Variants in DMBT1 observed in about 807,000 individuals in gnomAD.
DMBT1 encodes the protein scavenger receptor cysteine-rich domain-containing protein DMBT1.
A neutral mutation model predicts 252.9 loss-of-function variants in DMBT1; 198 were observed. The observed-to-expected ratio is 0.78, with a 90% confidence interval of 0.70 to 0.88. DMBT1 has a LOEUF of 0.88. Ranked by LOEUF, DMBT1 falls within the 40% of genes least tolerant of loss-of-function variation. DMBT1 has a pLI of 0.00. For missense variants in DMBT1, 2,432 were observed against 2,404.7 expected, an observed-to-expected ratio of 1.01 and a Z score of -0.24; for synonymous variants, 990 against 942.7, an observed-to-expected ratio of 1.05 and a Z score of -0.92.
chr10:122,618,499 T>C (rs934690114), intron 41 of DMBT1, among the ~76,000 whole-genome samples, 159 bp downstream of exon 41: 4 of 152,242 alleles, frequency 2.6e-5, no homozygotes, highest in Non-Finnish European at 5.9e-5. Flanking sequence ...TGAATTTTGC[T>C]ACAGTACCTG....
chr10:122,636,043 C>A lies in DMBT1; in HGVS notation c.6601C>A (p.Arg2201Ser), dbSNP rs374738106. 5.0e-6 allele frequency: 8 copies of A among 1,613,870 alleles called. No homozygotes were observed. Among genetic ancestry groups the A allele is most frequent in the Middle Eastern group, 1.6e-4 (1 of 6,082 alleles). ...TATTGAAGTTTTCGATGGCCCCTAC[C>A]GCAGTTCCCCTCTCATTGCTCGAGT... The part of the protein sequence containing the change: ...DYIEVFDGPY[R>S]SSPLIARVCD... Residue 2201 changes from arginine (R) to serine (S), a missense_variant, in exon 53 of 56, where the codon CGC becomes AGC. By Grantham distance (110) the Arg-to-Ser change is moderately radical. Transcript: ENST00000338354.
intron 17 of DMBT1, 101 bp downstream of exon 17, chr10:122,589,368 T>C (rs866746384): frequency 1.3e-6 from 2 of 1,508,874 alleles, no homozygotes; most frequent in Middle Eastern, 1.8e-4. Context: ...TTTCAACCTT[T>C]CCTATGTTTC....
intron 2 of DMBT1, among the ~76,000 whole-genome samples, chr10:122,568,559 G>A (rs896219455): frequency 1.3e-5 from 2 of 152,168 alleles, no homozygotes; most frequent in Admixed American, 1.3e-4. Flanking sequence ...GGGGCCGAGA[G>A]CACCAAGATA....
chr10:122,634,408 TC>T, intron 52 of DMBT1, among the ~76,000 whole-genome samples: 1 of 135,920 alleles, frequency 7.4e-6, no homozygotes, highest in African/African-American at 2.9e-5. Flanking sequence ...TTCTTTTCTT[TC>T]TTTCTCTCTC....
At chr10:122,591,911 C>T (rs2097852294) in intron 19 of DMBT1, among the ~76,000 whole-genome samples, 1 of 149,072 alleles carries the variant, frequency 6.7e-6, no homozygotes, top group Admixed American at 6.6e-5. Flanking sequence ...TGCCAGAAGC[C>T]AGAGAGGACC....
chr10:122,599,695 G>A (rs545903682), intron 26 of DMBT1, among the ~76,000 whole-genome samples: 13 of 152,330 alleles, frequency 8.5e-5, no homozygotes, highest in African/African-American at 2.4e-4. Context: ...GGCCGGCCAG[G>A]CATGGCCTTG....
At chr10:122,564,219 C>T (rs2981759) in intron 1 of DMBT1, among the ~76,000 whole-genome samples, 101,937 of 152,040 alleles carry the variant, frequency 0.67, 34,532 homozygotes, top group East Asian at 0.77. Context: ...CTCTGACATA[C>T]GGCAAGTCCT....
Position 122,600,073 on chromosome 10 carries a change from C to T in DMBT1, c.3290C>T (p.Ser1097Phe), listed in dbSNP as rs532371387. The T allele has an allele frequency of 1.2e-6, 2 of 1,607,442 alleles. No homozygotes were observed. The highest frequency in any genetic ancestry group is 1.7e-6 in the Non-Finnish European group (2 of 1,178,288). ...CTTCTCTTTCTCACAGCTTCCCAGT[C>T]CCGGCCAACACCTAGTCCAGGTGGG... ...DAGVICSASQ[S>F]RPTPSPDTWP... Residue 1097 changes from serine to phenylalanine, a missense_variant, in exon 27 of 56, where the codon TCC becomes TTC. Around this residue, in one of 3 missense-constraint regions of DMBT1, gnomAD observed 1,264 missense variants for 1,082.2 expected, o/e 1.17. Transcript: ENST00000338354.
intron 42 of DMBT1, among the ~76,000 whole-genome samples, chr10:122,619,885 A>G (rs2098045131): frequency 6.6e-6 from 1 of 152,276 alleles, no homozygotes; most frequent in African/African-American, 2.4e-5. Flanking sequence ...TCCACTTATC[A>G]GGAAACTTGA....
chr10:122,599,181 C>G, intron 26 of DMBT1, 84 bp downstream of exon 26: 2 of 1,598,616 alleles, frequency 1.3e-6, no homozygotes, highest in East Asian at 2.2e-5. Context: ...GATCTCCTCA[C>G]TCAAAGCTTC....
chr10:122,618,401 C>A, intron 41 of DMBT1, 61 bp downstream of exon 41: 1 of 1,612,652 alleles, frequency 6.2e-7, no homozygotes, highest in Non-Finnish European at 8.5e-7. Flanking sequence ...GAAGAAAATC[C>A]TAATTACATT....
At chr10:122,635,660 C>T (rs984166472) in intron 52 of DMBT1, among the ~76,000 whole-genome samples, 1 of 152,142 alleles carries the variant, frequency 6.6e-6, no homozygotes, top group Non-Finnish European at 1.5e-5. Context: ...AAGTGATTTT[C>T]CTGCCTCAGC....
At chr10:122,570,120 C>T in intron 2 of DMBT1, 42 bp from the exon 3 acceptor site, 1 of 1,543,438 alleles carries the variant, frequency 6.5e-7, no homozygotes, top group Non-Finnish European at 9.0e-7. Flanking sequence ...CCTCCCCAAG[C>T]AAGGGCTACC....
intron 1 of DMBT1, among the ~76,000 whole-genome samples, chr10:122,564,118 C>T (rs1375143376): frequency 6.6e-6 from 1 of 152,192 alleles, no homozygotes; most frequent in African/African-American, 2.4e-5. Context: ...GTTTCAGTGG[C>T]CCCCTTCCTA....
At position 122,630,308 on chromosome 10, in the gene DMBT1, G is replaced by A. The variant is rs2098151606; in HGVS notation, c.5843G>A (p.Cys1948Tyr). Residue 1948 changes from cysteine to tyrosine, a missense_variant, in exon 48 of 56, where the codon TGC becomes TAC. By Grantham distance (194) the Cys-to-Tyr change is radical. Transcript: ENST00000338354. ...SNLKLEAHHN[C>Y]SFDYVEIFDG... ...TACAGATTGGAGGCACACCATAACT[G>A]CAGTTTTGATTATGTTGAAATCTTT... 6.2e-7 allele frequency: 1 copy of A among 1,613,954 alleles called. No individual in the cohort carries two copies. The highest frequency in any genetic ancestry group is 8.5e-7 in the Non-Finnish European group (1 of 1,179,840).
Position 122,576,693 on chromosome 10 carries a change from A to C in DMBT1, c.578A>C (p.His193Pro). The change falls in exon 7 of 56, where the codon CAT becomes CCT. Residue 193 changes from histidine (H) to proline (P), a missense_variant. This residue lies in a region of DMBT1 where 1,264 missense variants were observed against 1,082.2 expected (regional missense o/e 1.17). Transcript: ENST00000338354. ...HNGWLSHNCG[H>P]GEDAGVICSA... ...GGCTGGCTCTCCCATAACTGTGGCC[A>C]TGGTGAAGATGCTGGTGTTATCTGC... 6.2e-7 allele frequency: 1 copy of C among 1,613,778 alleles called. No individual in the cohort carries two copies. The highest frequency in any genetic ancestry group is 8.5e-7 in the Non-Finnish European group (1 of 1,179,712).
chr10:122,589,708 G>A (rs536965908), intron 17 of DMBT1, among the ~76,000 whole-genome samples: 11 of 148,538 alleles, frequency 7.4e-5, no homozygotes, highest in African/African-American at 2.7e-4. Context: ...GAGATGGGGA[G>A]GTGGCCTGAG....
chr10:122,573,466 G>C (rs935602446), intron 5 of DMBT1, among the ~76,000 whole-genome samples: 17 of 152,300 alleles, frequency 1.1e-4, no homozygotes, highest in Admixed American at 1.0e-3. Context: ...GTGACTTTTT[G>C]AATAGAGGCT....
chr10:122,585,256 CTG>C lies in DMBT1; in HGVS notation c.1421-13_1421-12del, dbSNP rs1222555063. 1.9e-6 allele frequency: 3 copies of C among 1,586,014 alleles called. No individual in the cohort carries two copies. ...TCAACTTTAATTCTAGCCTTTGTCTCTGTTGCAATTACAGACACGTTGCCGAC... is the reference window on the plus strand; with the variant it reads ...TCAACTTTAATTCTAGCCTTTGTCTCTTGCAATTACAGACACGTTGCCGAC... On this transcript the variant is annotated splice_polypyrimidine_tract_variant and intron_variant, in intron 14 of 55. Coordinates refer to ENST00000338354, the MANE Select transcript of DMBT1 (RefSeq NM_001377530.1).
Sources: gnomAD v4.1 joint callset for allele counts (sites outside exome capture counted in the v4.1 genomes callset) on GRCh38, gnomAD v4.1.1 for gene constraint, gnomAD v4.1.1 regional missense constraint, MANE v1.5 for transcripts, NCBI Gene and HGNC (gene_info 2026-07-23, HGNC 2026-07-21) for gene names.